The following USP45 variants were observed in gnomAD, a reference collection of about 807,000 sequenced individuals.
The protein encoded by USP45 is ubiquitin carboxyl-terminal hydrolase 45.
Under a neutral mutation model 95.8 loss-of-function variants are expected in USP45, and 89 were observed. That is an observed-to-expected ratio of 0.93 (90% CI 0.78 to 1.11). USP45 has a LOEUF of 1.11. USP45 is among the 50% of genes least tolerant of loss of function. The probability of loss-of-function intolerance (pLI) is 0.00; values close to 1 mark genes in which losing one functional copy is unlikely to be tolerated. For synonymous variants in USP45, 281 were observed against 316.2 expected (o/e 0.89, Z 1.18); for missense variants, 898 against 942.5 (o/e 0.95, Z 0.62).
intron 13 of USP45, among the ~76,000 whole-genome samples, chr6:99,448,041 C>A (rs946294900): frequency 1.3e-5 from 2 of 152,136 alleles, no homozygotes; most frequent in African/African-American, 4.8e-5. Context: ...CCCCATCTGT[C>A]AGTCACCATC....
intron 1 of USP45, among the ~76,000 whole-genome samples, chr6:99,511,326 T>C (rs1319555972): frequency 1.3e-5 from 2 of 151,870 alleles, no homozygotes; most frequent in Admixed American, 6.6e-5. Context: ...TAATTTTTTT[T>C]GCATTTTTAG....
chr6:99,464,729 A>G lies in USP45; in HGVS notation c.1183T>C (p.Trp395Arg). 2 of 1,608,206 alleles carry G rather than the reference A, an allele frequency of 1.2e-6. No homozygotes were observed. The highest frequency in any genetic ancestry group is 8.5e-7 in the Non-Finnish European group (1 of 1,178,908). Reference sequence around the variant, plus strand: ...CTTCTATATTTATTCATTCTTCCCCAAAGTAAAGGTTTTGAAACCTATGTA... The same window carrying G: ...CTTCTATATTTATTCATTCTTCCCCGAAGTAAAGGTTTTGAAACCTATGTA... ...IEERVSKPLL[W>R]GRMNKYRSLR... The change falls in exon 13 of 18, where the codon TGG (tryptophan) becomes CGG (arginine). Residue 395 changes from tryptophan (W) to arginine (R), a missense_variant. Physicochemically the swap from Trp to Arg is moderately radical, Grantham distance 101. Transcript: ENST00000500704.
intron 9 of USP45, among the ~76,000 whole-genome samples, chr6:99,470,072 G>A (rs1272126492): frequency 1.3e-5 from 2 of 152,126 alleles, no homozygotes; most frequent in Admixed American, 6.6e-5. Flanking sequence ...GATCTCCCAG[G>A]AGCATGGTTA....
chr6:99,488,721 G>C lies in USP45; in HGVS notation c.578C>G (p.Thr193Arg). The C allele has an allele frequency of 1.2e-6, 2 of 1,604,414 alleles. No homozygotes were observed. The highest frequency in any genetic ancestry group is 2.2e-5 in the South Asian group (2 of 89,188). The change falls in exon 6 of 18, where the codon ACA becomes AGA. Residue 193 changes from threonine to arginine, a missense_variant. Coordinates refer to ENST00000500704, the MANE Select transcript of USP45 (RefSeq NM_001346022.3). ...AAAAAAGCAAGTATTTCCTAAATTT[G>C]TAATTCCTCTTACAGATAAATTTCT... ...KCRNLSVRGI[T>R]NLGNTCFFNA...
intron 14 of USP45, among the ~76,000 whole-genome samples, chr6:99,444,189 GTTT>G (rs911241785): frequency 2.6e-5 from 4 of 151,806 alleles, no homozygotes; most frequent in Non-Finnish European, 4.4e-5. Context: ...TTTTTAAAAC[GTTT>G]TTTGTAGACA....
intron 13 of USP45, among the ~76,000 whole-genome samples, chr6:99,449,421 A>T (rs544205611): frequency 6.6e-6 from 1 of 152,358 alleles, no homozygotes; most frequent in East Asian, 1.9e-4. Context: ...AAGAGAAAGA[A>T]GGTCATTACA....
intron 10 of USP45, 121 bp downstream of exon 10, chr6:99,468,416 T>C: frequency 1.5e-6 from 1 of 669,848 alleles, no homozygotes; most frequent in Non-Finnish European, 2.6e-6. Flanking sequence ...AGCAACTACG[T>C]CCTCCTTTTA....
chr6:99,441,210 T>C (rs1257317854), intron 15 of USP45, among the ~76,000 whole-genome samples: 1 of 152,108 alleles, frequency 6.6e-6, no homozygotes, highest in Non-Finnish European at 1.5e-5. Flanking sequence ...TCAAGAGTAA[T>C]TAGCTTTGTT....
At chr6:99,486,340 C>T (rs180813039) in intron 7 of USP45, among the ~76,000 whole-genome samples, 142 of 152,160 alleles carry the variant, frequency 9.3e-4, no homozygotes, top group African/African-American at 3.2e-3. Context: ...ATCTAATTGC[C>T]ATATAGTAAT....
At chr6:99,503,711 C>G (rs1258452861) in intron 5 of USP45, 54 bp downstream of exon 5, 1 of 1,186,450 alleles carries the variant, frequency 8.4e-7, no homozygotes, top group Non-Finnish European at 1.2e-6. Flanking sequence ...TTTATGAACT[C>G]TATATGAAAT....
In USP45 at chr6:99,435,482, A is replaced by G. The variant is rs546019517; in HGVS notation, c.*234T>C. ...ACTGTAAATTCTGGGAAGTTTTTGT[A>G]CCCCAGAATAAATACCTGGAAACAA... On this transcript the variant is annotated 3_prime_UTR_variant, in exon 18 of 18. Coordinates refer to ENST00000500704, the MANE Select transcript of USP45 (RefSeq NM_001346022.3). 9.2e-6 allele frequency: 3 copies of G among 327,538 alleles called. No homozygotes were observed. In the South Asian group the frequency reaches 3.0e-4, roughly 33 times the overall value. 20.3% of individuals were successfully genotyped at this position (327,538 alleles called of 1,614,324 possible). A position where few individuals can be genotyped will look rare whatever the true frequency, so the allele number is the denominator to read the frequency against.
chr6:99,447,747 CT>C (rs1016847081), intron 13 of USP45, among the ~76,000 whole-genome samples: 9 of 152,200 alleles, frequency 5.9e-5, no homozygotes, highest in Non-Finnish European at 1.3e-4. Flanking sequence ...AGACTGCCTC[CT>C]CAAGTGGGTC....
At chr6:99,455,795 A>G (rs1343859369) in intron 13 of USP45, among the ~76,000 whole-genome samples, 5 of 126,396 alleles carry the variant, frequency 4.0e-5, no homozygotes, top group Non-Finnish European at 7.9e-5. Flanking sequence ...CAAATATCCC[A>G]TGTTCTCACT....
chr6:99,479,192 A>G (rs1179416569), intron 8 of USP45, among the ~76,000 whole-genome samples: 1 of 143,876 alleles, frequency 7.0e-6, no homozygotes, highest in Non-Finnish European at 1.5e-5. Flanking sequence ...ACACATACAC[A>G]AAGTGTATAG....
chr6:99,511,558 G>T (rs9389445), intron 1 of USP45, among the ~76,000 whole-genome samples: 129,266 of 151,604 alleles, frequency 0.85, 55,815 homozygotes, highest in East Asian at 1. Context: ...CAGGTGATAC[G>T]CCCACCTCAG....
At chr6:99,517,394 A>G (rs1316349367), upstream of USP45, among the ~76,000 whole-genome samples, 2 of 151,962 alleles carry the variant, frequency 1.3e-5, no homozygotes, top group Non-Finnish European at 2.9e-5. Context: ...GCTGTAGGCT[A>G]TATATATTCC....
chr6:99,513,325 T>C (rs1212802671), intron 1 of USP45, among the ~76,000 whole-genome samples: 1 of 152,180 alleles, frequency 6.6e-6, no homozygotes, highest in Non-Finnish European at 1.5e-5. Context: ...TCAAATCTTC[T>C]TCACTTTCCT....
intron 13 of USP45, among the ~76,000 whole-genome samples, chr6:99,453,623 A>G (rs1439378160): frequency 1.3e-5 from 2 of 152,222 alleles, no homozygotes; most frequent in Non-Finnish European, 2.9e-5. Context: ...TCAAAATTCC[A>G]ATGACGTTTT....
rs1367768866 is a variant in USP45, at chr6:99,433,360, T to A, written c.*2356A>T. Reference sequence around the variant, plus strand: ...TAGTTATGTTGATGATAAGTAAACATTATTATTTATTTATACTGTTTCCTG... The same window carrying A: ...TAGTTATGTTGATGATAAGTAAACAATATTATTTATTTATACTGTTTCCTG... On this transcript the variant is annotated 3_prime_UTR_variant, in exon 18 of 18. Coordinates refer to ENST00000500704, the MANE Select transcript of USP45 (RefSeq NM_001346022.3). 6.6e-6 allele frequency: 1 copy of A among 151,030 alleles called. No homozygotes were observed. The highest frequency in any genetic ancestry group is 1.5e-5 in the Non-Finnish European group (1 of 68,016). The allele number at this position is 151,030 out of a possible 1,614,324, so 9.4% of individuals were successfully genotyped here.
Sources: allele counts gnomAD v4.1 joint callset (sites outside exome capture counted in the v4.1 genomes callset), GRCh38; gene constraint gnomAD v4.1.1; transcripts MANE v1.5; gene names NCBI Gene and HGNC (gene_info 2026-07-23, HGNC 2026-07-21).